Variants in CPNE8 observed in about 807,000 individuals in gnomAD.
The protein encoded by CPNE8 is copine 8, also known as copine-8.
In CPNE8, 45 loss-of-function variants were observed where a neutral mutation model predicts 81.5. That is an observed-to-expected ratio of 0.55 (90% CI 0.44 to 0.71). The LOEUF is 0.71. Ranked by LOEUF, CPNE8 falls within the 30% of genes least tolerant of loss-of-function variation. The pLI, the probability that CPNE8 is intolerant of heterozygous loss-of-function variation, is 0.00. For synonymous variants in CPNE8, 252 were observed against 226.3 expected (o/e 1.11, Z -1.02); for missense variants, 594 against 672.1 (o/e 0.88, Z 1.28).
At chr12:38,871,992 G>A (rs1374890505) in intron 3 of CPNE8, among the ~76,000 whole-genome samples, 4 of 151,984 alleles carry the variant, frequency 2.6e-5, no homozygotes, top group Admixed American at 6.6e-5. Context: ...AAAATTAGCC[G>A]GGCATGGTGG....
intron 19 of CPNE8, among the ~76,000 whole-genome samples, chr12:38,655,323 C>T (rs541561656): frequency 6.6e-6 from 1 of 152,218 alleles, no homozygotes; most frequent in South Asian, 2.1e-4. Context: ...AGTTAATAAA[C>T]ACTGTGCTGT....
chr12:38,862,559 A>T (rs932833867), intron 3 of CPNE8, among the ~76,000 whole-genome samples: 17 of 152,328 alleles, frequency 1.1e-4, no homozygotes, highest in Non-Finnish European at 2.4e-4. Context: ...ACAAACTTGG[A>T]TATAATTAAA....
intron 10 of CPNE8, among the ~76,000 whole-genome samples, chr12:38,730,821 T>G (rs1940814327): frequency 6.7e-6 from 1 of 150,324 alleles, no homozygotes; most frequent in South Asian, 2.1e-4. Flanking sequence ...TAAAAAGTTA[T>G]AACATATTAA....
intron 6 of CPNE8, among the ~76,000 whole-genome samples, chr12:38,796,893 T>C (rs928703404): frequency 6.6e-6 from 1 of 152,194 alleles, no homozygotes; most frequent in African/African-American, 2.4e-5. Context: ...CAGGAGATTA[T>C]ATCCCGCACA....
chr12:38,802,594 A>C (rs1484979440), intron 6 of CPNE8, among the ~76,000 whole-genome samples: 1 of 145,836 alleles, frequency 6.9e-6, no homozygotes, highest in African/African-American at 2.5e-5. Flanking sequence ...TCACAATTAA[A>C]AGAACTATAA....
At chr12:38,873,543 G>T (rs555568526) in intron 2 of CPNE8, among the ~76,000 whole-genome samples, 19 of 152,078 alleles carry the variant, frequency 1.2e-4, no homozygotes, top group Non-Finnish European at 2.4e-4. Flanking sequence ...TCCCAAAAGG[G>T]AGATTAAGAG....
chr12:38,700,998 G>C (rs140751996), intron 14 of CPNE8, among the ~76,000 whole-genome samples: 1,619 of 152,204 alleles, frequency 0.011, 31 homozygotes, highest in African/African-American at 0.036. Flanking sequence ...GTCTTTATTA[G>C]CAGCATGAGA....
At chr12:38,671,756 T>C (rs533259126) in intron 18 of CPNE8, among the ~76,000 whole-genome samples, 1 of 152,220 alleles carries the variant, frequency 6.6e-6, no homozygotes, top group African/African-American at 2.4e-5. Flanking sequence ...CTTCAGTGCT[T>C]AGATAATGCA....
At chr12:38,844,571 G>A (rs1296794907) in intron 4 of CPNE8, among the ~76,000 whole-genome samples, 2 of 151,918 alleles carry the variant, frequency 1.3e-5, no homozygotes, top group Non-Finnish European at 2.9e-5. Context: ...TAGCCGATAA[G>A]GTAATCTTGA....
intron 10 of CPNE8, 31 bp downstream of exon 10, chr12:38,760,816 T>C: frequency 6.4e-7 from 1 of 1,563,142 alleles, no homozygotes; most frequent in Non-Finnish European, 8.8e-7. Context: ...GTACACCCAG[T>C]TCAAGAGTAA....
intron 4 of CPNE8, among the ~76,000 whole-genome samples, chr12:38,841,591 A>T (rs1161637764): frequency 6.6e-6 from 1 of 152,194 alleles, no homozygotes; most frequent in East Asian, 1.9e-4. Flanking sequence ...ACAAGCAAAC[A>T]AACAGGAGGT....
rs145791643 is a variant in CPNE8, at chr12:38,665,756, A to T, written c.1506+4973T>A. Among the ~76,000 whole-genome samples the T allele has an allele frequency of 5.3e-3, 806 of 152,332 alleles. 9 individuals carry two copies. The highest frequency in any genetic ancestry group is 0.019 in the African/African-American group (777 of 41,574). ...TGGCCAATCCACAGCATAAACAAACAAATAGAAAGCCTTTACGTATATTGA... is the reference window on the plus strand; with the variant it reads ...TGGCCAATCCACAGCATAAACAAACTAATAGAAAGCCTTTACGTATATTGA... On this transcript the variant is annotated intron_variant, in intron 19 of 19. Transcript: ENST00000331366.
intron 2 of CPNE8, among the ~76,000 whole-genome samples, chr12:38,873,817 C>G (rs1010463414): frequency 5.9e-5 from 9 of 152,210 alleles, no homozygotes; most frequent in African/African-American, 1.9e-4. Context: ...TTTTCTAATT[C>G]AAACTACCCT....
intron 7 of CPNE8, among the ~76,000 whole-genome samples, chr12:38,773,452 AT>A (rs1941852168): frequency 6.6e-6 from 1 of 152,104 alleles, no homozygotes; most frequent in African/African-American, 2.4e-5. Context: ...TATACATTAA[AT>A]ATGTCCAGTT....
intron 4 of CPNE8, among the ~76,000 whole-genome samples, chr12:38,847,851 T>C (rs993397591): frequency 6.6e-6 from 1 of 152,190 alleles, no homozygotes; most frequent in African/African-American, 2.4e-5. Flanking sequence ...ATAAGACATT[T>C]ATCTTTTAAT....
chr12:38,691,023 A>G (rs1406140038), intron 15 of CPNE8, among the ~76,000 whole-genome samples: 1 of 152,208 alleles, frequency 6.6e-6, no homozygotes, highest in Non-Finnish European at 1.5e-5. Flanking sequence ...GGAATAGAAA[A>G]GTAAGAATAA....
At chr12:38,746,984 A>C (rs1941239395) in intron 10 of CPNE8, among the ~76,000 whole-genome samples, 1 of 152,222 alleles carries the variant, frequency 6.6e-6, no homozygotes, top group Non-Finnish European at 1.5e-5. Context: ...TGTGGGACAC[A>C]TGAGTGATCT....
intron 10 of CPNE8, among the ~76,000 whole-genome samples, chr12:38,736,542 A>C (rs1159456498): frequency 6.6e-6 from 1 of 151,908 alleles, no homozygotes; most frequent in Non-Finnish European, 1.5e-5. Flanking sequence ...GAATATATAC[A>C]TATTTTTAAG....
intron 6 of CPNE8, among the ~76,000 whole-genome samples, chr12:38,811,539 G>T (rs1942935615): frequency 6.6e-6 from 1 of 152,110 alleles, no homozygotes; most frequent in African/African-American, 2.4e-5. Context: ...TCAAACTTAG[G>T]TTCCATAATA....
Sources: gnomAD v4.1 joint callset for allele counts (sites outside exome capture counted in the v4.1 genomes callset) on GRCh38, gnomAD v4.1.1 for gene constraint, MANE v1.5 for transcripts, NCBI Gene and HGNC (gene_info 2026-07-23, HGNC 2026-07-21) for gene names.